Variants in FRAS1 observed in about 807,000 individuals in gnomAD.
The protein encoded by FRAS1 is Fraser extracellular matrix complex subunit 1, also known as extracellular matrix organizing protein FRAS1.
A neutral mutation model predicts 435.2 loss-of-function variants in FRAS1; 290 were observed. The observed-to-expected ratio is 0.67, with a 90% confidence interval of 0.61 to 0.73. FRAS1 has a LOEUF of 0.73. Among genes scored for constraint, FRAS1 ranks in the 30% least tolerant of loss-of-function variants. FRAS1 has a pLI of 0.00. For missense variants in FRAS1, 4,860 were observed against 5,001.5 expected, an observed-to-expected ratio of 0.97 and a Z score of 0.85; for synonymous variants, 1,800 against 1,851.0, an observed-to-expected ratio of 0.97 and a Z score of 0.71.
chr4:78,308,160 T>C lies in FRAS1; in HGVS notation c.1629T>C (p.Cys543=), dbSNP rs762057843. 9.3e-6 allele frequency: 15 copies of C among 1,613,930 alleles called. No homozygotes were observed. Among genetic ancestry groups the C allele is most frequent in the Admixed American group, 1.7e-5 (1 of 60,006 alleles). The change falls in exon 15 of 74, where the codon TGT becomes TGC. Residue 543 remains cysteine, a synonymous_variant. Coordinates refer to ENST00000512123, the MANE Select transcript of FRAS1 (RefSeq NM_025074.7). ...TCCACGTGCTGAGAGATGGCGGCTG[T>C]GAGAGCAGCTGTGGAAAAGGCTTCT... The part of the protein sequence containing the change: ...DPLHVLRDGG[C]ESSCGKGFYN...
intron 47 of FRAS1, among the ~76,000 whole-genome samples, chr4:78,455,423 GA>G (rs951242450): frequency 3.5e-4 from 53 of 151,828 alleles, no homozygotes; most frequent in African/African-American, 1.2e-3. Context: ...GTTGAGGAGG[GA>G]GGGGGTTCTG....
intron 29 of FRAS1, among the ~76,000 whole-genome samples, chr4:78,396,669 A>G (rs1259781811): frequency 3.9e-5 from 6 of 152,114 alleles, no homozygotes; most frequent in Non-Finnish European, 8.8e-5. Context: ...GGTTTATTTG[A>G]TGGTGTCCCA....
rs1157523598 is a variant in FRAS1 at position 78,116,657 on chromosome 4, G to T, written c.108+50641G>T. The stretch of plus-strand genomic sequence containing the variant: ...ATCAGAGACTAGGATTGCAATCCCT[G>T]CCTTTTTTTGTTTTCCATTTGCTTG... On this transcript the variant is annotated intron_variant, in intron 2 of 73. Transcript: ENST00000512123. 2.0e-5 allele frequency among the ~76,000 whole-genome samples: 3 copies of T among 152,096 alleles called. No individual in the cohort carries two copies. In the South Asian group the frequency reaches 6.2e-4, roughly 32 times the overall value.
At chr4:78,286,582 G>T (rs768154818) in intron 14 of FRAS1, 43 bp downstream of exon 14, 1 of 1,599,188 alleles carries the variant, frequency 6.3e-7, no homozygotes, top group Admixed American at 1.7e-5. Context: ...TACCAAGACA[G>T]CTCCCCAACC....
intron 1 of FRAS1, among the ~76,000 whole-genome samples, chr4:78,061,538 A>G (rs28546473): frequency 0.12 from 18,733 of 152,176 alleles, 1,286 homozygotes; most frequent in Middle Eastern, 0.19. Context: ...GGTTTTTCCT[A>G]TAAATGCTAT....
At position 78,464,086 on chromosome 4, in the gene FRAS1, A is replaced by C; in HGVS notation, c.6829A>C (p.Ser2277Arg). 1 of 1,613,704 alleles carries C rather than the reference A, an allele frequency of 6.2e-7. No individual in the cohort carries two copies. The highest frequency in any genetic ancestry group is 8.5e-7 in the Non-Finnish European group (1 of 1,179,796). ...TSRNVQYVHSSEAEKHSDAFS... is the reference protein window; with the variant it reads ...TSRNVQYVHSREAEKHSDAFS... ...ACGAAATGTTCAGTATGTCCATTCT[A>C]GTGAGGCTGAGAAACATTCAGATGC... is the stretch of plus-strand genomic sequence containing the variant. The change falls in exon 48 of 74, where the codon AGT (serine) becomes CGT (arginine). Residue 2277 changes from serine to arginine, a missense_variant. Transcript: ENST00000512123.
At chr4:78,314,359 C>T (rs1042428437) in intron 15 of FRAS1, among the ~76,000 whole-genome samples, 3 of 152,052 alleles carry the variant, frequency 2.0e-5, no homozygotes, top group Non-Finnish European at 2.9e-5. Context: ...ACTTGTCCCC[C>T]AAGACAGGCC....
Position 78,537,141 on chromosome 4 carries a change from G to C in FRAS1, c.11239G>C (p.Gly3747Arg). The change falls in exon 72 of 74, where the codon GGG becomes CGG. Residue 3747 changes from glycine to arginine, a missense_variant. Transcript: ENST00000512123. ...FDPTGTIYNE[G>R]PQYGCIQPNK... Reference sequence around the variant, plus strand: ...TCCCACGGGGACAATCTACAATGAAGGGCCCCAGTATGGATGCATTCAGCC... The same window carrying C: ...TCCCACGGGGACAATCTACAATGAACGGCCCCAGTATGGATGCATTCAGCC... 1 of 1,613,962 alleles carries C rather than the reference G, an allele frequency of 6.2e-7. No homozygotes were observed. Among genetic ancestry groups the C allele is most frequent in the Non-Finnish European group, 8.5e-7 (1 of 1,179,872 alleles).
At chr4:78,234,757 A>G (rs1724674496) in intron 2 of FRAS1, among the ~76,000 whole-genome samples, 2 of 152,220 alleles carry the variant, frequency 1.3e-5, no homozygotes, top group South Asian at 4.1e-4. Context: ...TGGAGAGGCC[A>G]CAGAGTTTGA....
intron 20 of FRAS1, among the ~76,000 whole-genome samples, chr4:78,362,752 C>G (rs994288618): frequency 6.6e-6 from 1 of 152,170 alleles, no homozygotes. Flanking sequence ...AAACATTTCT[C>G]AGAAGAGAGT....
chr4:78,120,470 T>C (rs1281307329), intron 2 of FRAS1, among the ~76,000 whole-genome samples: 1 of 152,206 alleles, frequency 6.6e-6, no homozygotes, highest in African/African-American at 2.4e-5. Flanking sequence ...CTCTGTCAGC[T>C]CTCTATACAG....
At chr4:78,075,462 CCAG>C (rs1418390870) in intron 2 of FRAS1, among the ~76,000 whole-genome samples, 1 of 152,108 alleles carries the variant, frequency 6.6e-6, no homozygotes, top group Non-Finnish European at 1.5e-5. Context: ...GTTACCGCAG[CCAG>C]CAGCAGTCGA....
intron 2 of FRAS1, among the ~76,000 whole-genome samples, chr4:78,183,082 C>T (rs2110053878): frequency 6.6e-6 from 1 of 152,182 alleles, no homozygotes; most frequent in African/African-American, 2.4e-5. Context: ...AGCAATGCCG[C>T]AGAAGTCTCT....
At chr4:78,200,338 C>T (rs1446130917) in intron 2 of FRAS1, among the ~76,000 whole-genome samples, 2 of 152,174 alleles carry the variant, frequency 1.3e-5, no homozygotes, top group Non-Finnish European at 2.9e-5. Context: ...GATATATGAG[C>T]CTGTGCCTTA....
At chr4:78,146,161 A>G (rs919626255) in intron 2 of FRAS1, among the ~76,000 whole-genome samples, 1 of 152,198 alleles carries the variant, frequency 6.6e-6, no homozygotes, top group African/African-American at 2.4e-5. Flanking sequence ...CAAAGGAATA[A>G]TGTACAGAGT....
intron 9 of FRAS1, among the ~76,000 whole-genome samples, chr4:78,273,695 G>T (rs980305946): frequency 2.0e-5 from 3 of 152,186 alleles, no homozygotes; most frequent in African/African-American, 7.2e-5. Context: ...GCTTTTTGAT[G>T]TGCTGCTGGA....
At chr4:78,315,874 G>A (rs991351593) in intron 16 of FRAS1, 140 bp downstream of exon 16, 9 of 941,024 alleles carry the variant, frequency 9.6e-6, no homozygotes, top group Admixed American at 4.2e-5. Flanking sequence ...TTTTCATTAT[G>A]AAGCCAATGT....
intron 20 of FRAS1, among the ~76,000 whole-genome samples, chr4:78,340,676 C>G (rs1471055101): frequency 6.6e-6 from 1 of 152,134 alleles, no homozygotes; most frequent in Non-Finnish European, 1.5e-5. Context: ...GTGGCTCAAA[C>G]AATGGAAATT....
At chr4:78,157,863 AG>A (rs35098883) in intron 2 of FRAS1, among the ~76,000 whole-genome samples, 23,737 of 151,904 alleles carry the variant, frequency 0.16, 2,038 homozygotes, top group Non-Finnish European at 0.19. Context: ...ATTGCTTTTG[AG>A]GGTTCAGTTT....
Sources: gnomAD v4.1 joint callset for allele counts (sites outside exome capture counted in the v4.1 genomes callset) on GRCh38, gnomAD v4.1.1 for gene constraint, MANE v1.5 for transcripts, NCBI Gene and HGNC (gene_info 2026-07-23, HGNC 2026-07-21) for gene names.